Variants in SIMC1 observed in about 807,000 individuals in gnomAD.
The protein encoded by SIMC1 is SUMO-interacting motif-containing protein 1.
In SIMC1, 55 loss-of-function variants were observed where a neutral mutation model predicts 82.3. The ratio of observed to expected loss-of-function variants is 0.67; its 90% CI spans 0.54 to 0.84. SIMC1 has a LOEUF of 0.84. Ranked by LOEUF, SIMC1 falls within the 40% of genes least tolerant of loss-of-function variation. The probability of loss-of-function intolerance (pLI) is 0.00; values close to 1 mark genes in which losing one functional copy is unlikely to be tolerated. For missense variants in SIMC1, 915 were observed against 1,107.2 expected, an observed-to-expected ratio of 0.83 and a Z score of 2.46; for synonymous variants, 353 against 426.3, an observed-to-expected ratio of 0.83 and a Z score of 2.12.
chr5:176,271,678 C>T (rs1322419747), intron 1 of SIMC1, among the ~76,000 whole-genome samples: 1 of 151,000 alleles, frequency 6.6e-6, no homozygotes, highest in Admixed American at 6.6e-5. Flanking sequence ...AAGGTGACTA[C>T]AGTAAGCAAT....
intron 4 of SIMC1, chr5:176,308,179 A>G (rs1764508312): frequency 1.6e-6 from 2 of 1,254,330 alleles, no homozygotes; most frequent in Non-Finnish European, 2.3e-6. Context: ...GGCTGTGGAT[A>G]GGGGAGTTGA....
chr5:176,298,086 G>A lies in SIMC1; in HGVS notation c.1734+1766G>A, dbSNP rs572040945. On this transcript the variant is annotated intron_variant, in intron 4 of 9. Transcript: ENST00000429602. ...ACCATATACAGACCAGAATATCACT[G>A]TGAGAACTCTAGAGCCGAATTAAGA... Among the ~76,000 whole-genome samples the A allele has an allele frequency of 4.6e-5, 7 of 152,332 alleles. No homozygotes were observed. In the East Asian group the frequency reaches 1.2e-3, roughly 25 times the overall value.
chr5:176,339,137 G>A (rs1419996226), intron 9 of SIMC1, among the ~76,000 whole-genome samples: 1 of 152,174 alleles, frequency 6.6e-6, no homozygotes, highest in African/African-American at 2.4e-5. Flanking sequence ...GCCGAGGCGG[G>A]CGAATCACAA....
chr5:176,290,148 A>C lies in SIMC1; in HGVS notation c.624A>C (p.Pro208=). 6.2e-7 allele frequency: 1 copy of C among 1,608,866 alleles called. No homozygotes were observed. The highest frequency in any genetic ancestry group is 8.5e-7 in the Non-Finnish European group (1 of 1,177,564). The change falls in exon 2 of 10, where the codon CCA becomes CCC. Residue 208 remains proline, a synonymous_variant. Transcript: ENST00000429602. ...SSNQKAPLPC[P]QQDVSRPPQA... ...ATCAAAAAGCACCCTTGCCATGCCC[A>C]CAGCAAGATGTATCTCGCCCACCAC...
chr5:176,312,733 T>C (rs1363186682), intron 4 of SIMC1, among the ~76,000 whole-genome samples: 1 of 152,192 alleles, frequency 6.6e-6, no homozygotes, highest in Non-Finnish European at 1.5e-5. Flanking sequence ...CATATCCTGG[T>C]CCATTAGTTT....
intron 7 of SIMC1, among the ~76,000 whole-genome samples, chr5:176,325,915 T>C (rs954987514): frequency 3.3e-5 from 5 of 152,102 alleles, no homozygotes; most frequent in Non-Finnish European, 7.4e-5. Flanking sequence ...TAGTAAGAAT[T>C]AGGAATTCAG....
rs745355589 is a variant in SIMC1 at position 176,289,858 on chromosome 5, C to T, written c.334C>T (p.His112Tyr). 1 of 1,613,910 alleles carries T rather than the reference C, an allele frequency of 6.2e-7. No individual in the cohort carries two copies. Among genetic ancestry groups the T allele is most frequent in the Non-Finnish European group, 8.5e-7 (1 of 1,179,862 alleles). Residue 112 changes from histidine (H) to tyrosine (Y), a missense_variant, in exon 2 of 10, where the codon CAC becomes TAC. Physicochemically the swap from His to Tyr is moderately conservative, Grantham distance 83. Around this residue, in one of 2 missense-constraint regions of SIMC1, gnomAD observed 902 missense variants for 1,040.3 expected, o/e 0.87. Coordinates refer to ENST00000429602, the MANE Select transcript of SIMC1 (RefSeq NM_001308195.2). ...SLSGKAVMEG[H>Y]VDRSSQPTAR... ...CTCTGGCAAAGCGGTGATGGAAGGG[C>T]ACGTGGACAGAAGCTCTCAGCCTAC...
chr5:176,244,383 TG>T (rs1375635988), intron 1 of SIMC1, among the ~76,000 whole-genome samples: 1 of 137,440 alleles, frequency 7.3e-6, no homozygotes, highest in Non-Finnish European at 1.5e-5. Flanking sequence ...ACATTTGTAC[TG>T]AGTTTAGAGC....
rs114998835 is a variant in SIMC1, at chr5:176,345,199, C to T, written c.2430C>T (p.Ser810=). The change falls in exon 10 of 10, where the codon TCC becomes TCT. Residue 810 remains serine (S), a synonymous_variant. Coordinates refer to ENST00000429602, the MANE Select transcript of SIMC1 (RefSeq NM_001308195.2). The stretch of plus-strand genomic sequence containing the variant: ...CTCTTGCAGAACACTTAAGGAGTTC[C>T]GTGATCGACCGAAAGGACTTAATAA... ...QHVLREHLRS[S]VIDRKDLIIK... The T allele has an allele frequency of 3.3e-5, 54 of 1,613,798 alleles. No individual in the cohort carries two copies. The highest frequency in any genetic ancestry group is 3.3e-4 in the African/African-American group (25 of 74,984).
chr5:176,293,688 C>T (rs1354295234), intron 2 of SIMC1, among the ~76,000 whole-genome samples: 2 of 150,248 alleles, frequency 1.3e-5, no homozygotes, highest in African/African-American at 4.9e-5. Flanking sequence ...GCAGAGGTTG[C>T]AGTGAGCCAT....
chr5:176,252,615 A>G (rs1761712491), intron 1 of SIMC1, among the ~76,000 whole-genome samples: 1 of 145,724 alleles, frequency 6.9e-6, no homozygotes, highest in Admixed American at 6.8e-5. Context: ...CACTTCCTAG[A>G]TGGGATGGCG....
intron 5 of SIMC1, among the ~76,000 whole-genome samples, chr5:176,316,645 C>T (rs1374670851): frequency 2.0e-5 from 3 of 151,608 alleles, no homozygotes; most frequent in African/African-American, 4.9e-5. Flanking sequence ...GCTGAGATCG[C>T]GCCATTGCAC....
At chr5:176,338,926 G>A (rs756007486) in intron 9 of SIMC1, among the ~76,000 whole-genome samples, 4 of 152,182 alleles carry the variant, frequency 2.6e-5, no homozygotes, top group Admixed American at 6.5e-5. Context: ...GAATGGGGAT[G>A]ATAGTATGTA....
intron 4 of SIMC1, among the ~76,000 whole-genome samples, chr5:176,301,113 T>C (rs1037536641): frequency 1.2e-4 from 18 of 152,190 alleles, no homozygotes; most frequent in South Asian, 2.1e-4. Context: ...CCCTGTGATA[T>C]GGTTTGGCCG....
intron 7 of SIMC1, among the ~76,000 whole-genome samples, chr5:176,325,426 C>A (rs1765348073): frequency 6.6e-6 from 1 of 150,878 alleles, no homozygotes; most frequent in Non-Finnish European, 1.5e-5. Flanking sequence ...TGGCTCACAC[C>A]TGTAATCCCA....
intron 7 of SIMC1, among the ~76,000 whole-genome samples, chr5:176,327,452 C>T (rs991929783): frequency 9.2e-5 from 14 of 152,220 alleles, no homozygotes; most frequent in African/African-American, 3.4e-4. Context: ...AGAAACCCTG[C>T]AACCTTAATA....
At chr5:176,268,372 C>T (rs1416311895) in intron 1 of SIMC1, among the ~76,000 whole-genome samples, 2 of 106,574 alleles carry the variant, frequency 1.9e-5, no homozygotes, top group Non-Finnish European at 1.9e-5. Flanking sequence ...TCAGACTGGA[C>T]CAAAAAAAAA....
chr5:176,342,383 C>T (rs1280939517), intron 9 of SIMC1, among the ~76,000 whole-genome samples: 1 of 152,158 alleles, frequency 6.6e-6, no homozygotes, highest in Non-Finnish European at 1.5e-5. Flanking sequence ...TTTTATTACT[C>T]TGATTTTTTT....
intron 9 of SIMC1, among the ~76,000 whole-genome samples, chr5:176,339,860 A>G (rs940501909): frequency 1.3e-5 from 2 of 152,240 alleles, no homozygotes; most frequent in African/African-American, 2.4e-5. Flanking sequence ...TGCAAAGAAC[A>G]CAGCCGAATG....
Sources: allele counts gnomAD v4.1 joint callset (sites outside exome capture counted in the v4.1 genomes callset), GRCh38; gene constraint gnomAD v4.1.1; regional missense constraint gnomAD v4.1.1; transcripts MANE v1.5; gene names NCBI Gene and HGNC (gene_info 2026-07-23, HGNC 2026-07-21).